Variants in DAP observed in about 807,000 individuals in gnomAD.
DAP encodes death-associated protein 1.
DAP carries 8 observed loss-of-function variants against 13.8 expected under a neutral mutation model. The ratio of observed to expected loss-of-function variants is 0.58; its 90% CI spans 0.34 to 1.05. The LOEUF is 1.05. Among genes scored for constraint, DAP ranks in the 50% least tolerant of loss-of-function variants. The pLI is 0.03. For synonymous variants in DAP, 47 were observed against 47.5 expected (o/e 0.99, Z 0.04); for missense variants, 106 against 133.2 (o/e 0.80, Z 1.01).
chr5:10,723,133 T>C (rs1218984738), intron 2 of DAP, among the ~76,000 whole-genome samples: 1 of 152,160 alleles, frequency 6.6e-6, no homozygotes, highest in Admixed American at 6.5e-5. Flanking sequence ...CATCACAGTC[T>C]CCTCTAAAAG....
chr5:10,760,550 T>C (rs543292979), intron 1 of DAP, among the ~76,000 whole-genome samples: 2 of 152,238 alleles, frequency 1.3e-5, no homozygotes, highest in Non-Finnish European at 2.9e-5. Flanking sequence ...ATAAAAATTA[T>C]TTCCGCTCCT....
At chr5:10,692,276 A>G (rs906463493) in intron 2 of DAP, among the ~76,000 whole-genome samples, 1 of 152,194 alleles carries the variant, frequency 6.6e-6, no homozygotes, top group Non-Finnish European at 1.5e-5. Flanking sequence ...ACCCTCCCTC[A>G]TCATCGTGGT....
chr5:10,683,621 G>T, intron 2 of DAP, 50 bp from the exon 3 acceptor site: 1 of 1,580,100 alleles, frequency 6.3e-7, no homozygotes, highest in South Asian at 1.1e-5. Context: ...GTCCACAACA[G>T]GGAACACGGT....
At chr5:10,719,773 C>T (rs868106845) in intron 2 of DAP, among the ~76,000 whole-genome samples, 5 of 152,186 alleles carry the variant, frequency 3.3e-5, no homozygotes, top group South Asian at 2.1e-4. Context: ...CTCCTGCCAC[C>T]CTGCCTTCTC....
At chr5:10,713,792 G>T (rs534799418) in intron 2 of DAP, among the ~76,000 whole-genome samples, 61 of 152,384 alleles carry the variant, frequency 4.0e-4, no homozygotes, top group African/African-American at 1.4e-3. Flanking sequence ...CCTCATTCGG[G>T]TGATGACAAA....
chr5:10,680,727 T>G lies in DAP; in HGVS notation c.*329A>C. 1 of 1,535,868 alleles carries G rather than the reference T, an allele frequency of 6.5e-7. No homozygotes were observed. The highest frequency in any genetic ancestry group is 2.4e-5 in the East Asian group (1 of 41,048). On this transcript the variant is annotated 3_prime_UTR_variant, in exon 4 of 4. Coordinates refer to ENST00000230895, the MANE Select transcript of DAP (RefSeq NM_004394.3). Reference sequence around the variant, plus strand: ...TCTTCTCAAATGTGTGCCTTCTTGTTTTTAAGACCATAGACAAGGACGTCA... The same window carrying G: ...TCTTCTCAAATGTGTGCCTTCTTGTGTTTAAGACCATAGACAAGGACGTCA...
chr5:10,680,357 G>T lies in DAP; in HGVS notation c.*699C>A. 1 of 262,930 alleles carries T rather than the reference G, an allele frequency of 3.8e-6. No homozygotes were observed. 16.3% of individuals were successfully genotyped at this position (262,930 alleles called of 1,614,324 possible). Reference sequence around the variant, plus strand: ...TCCTGGTGGAGCCTGTCTGGGCTGAGGCGATGCTGGGCTTGCCGTGCCGAG... The same window carrying T: ...TCCTGGTGGAGCCTGTCTGGGCTGATGCGATGCTGGGCTTGCCGTGCCGAG... On this transcript the variant is annotated 3_prime_UTR_variant, in exon 4 of 4. Coordinates refer to ENST00000230895, the MANE Select transcript of DAP (RefSeq NM_004394.3).
Position 10,680,567 on chromosome 5 carries a change from C to T in DAP, c.*489G>A, listed in dbSNP as rs1737957961. 1.5e-6 allele frequency: 1 copy of T among 673,852 alleles called. No individual in the cohort carries two copies. Among genetic ancestry groups the T allele is most frequent in the Admixed American group, 2.9e-5 (1 of 34,094 alleles). 41.7% of individuals were successfully genotyped at this position (673,852 alleles called of 1,614,324 possible). A position where few individuals can be genotyped will look rare whatever the true frequency, so the allele number is the denominator to read the frequency against. On this transcript the variant is annotated 3_prime_UTR_variant, in exon 4 of 4. Transcript: ENST00000230895. ...GAGGGAAATTTGGCATTGCTGTTCC[C>T]TGCCTCTAAGGTCCTTTATGAGGGG... is the stretch of plus-strand genomic sequence containing the variant.
chr5:10,747,063 A>T (rs1739923939), intron 2 of DAP, among the ~76,000 whole-genome samples: 1 of 152,224 alleles, frequency 6.6e-6, no homozygotes. Flanking sequence ...CCTACTATTC[A>T]GGACTGCTGG....
intron 2 of DAP, among the ~76,000 whole-genome samples, chr5:10,732,240 G>A: frequency 6.6e-6 from 1 of 152,198 alleles, no homozygotes; most frequent in East Asian, 1.9e-4. Flanking sequence ...ATACAATTTA[G>A]TGGCTTTTAA....
intron 2 of DAP, among the ~76,000 whole-genome samples, chr5:10,727,604 T>C (rs1318007855): frequency 1.3e-5 from 2 of 152,188 alleles, no homozygotes; most frequent in African/African-American, 4.8e-5. Flanking sequence ...TGGTTCTGGC[T>C]TGGACAACTC....
intron 1 of DAP, among the ~76,000 whole-genome samples, chr5:10,753,576 C>T (rs1039801701): frequency 3.9e-5 from 6 of 152,208 alleles, no homozygotes; most frequent in African/African-American, 1.2e-4. Context: ...GCCAAGCATC[C>T]GTCCTCAGGT....
At chr5:10,710,916 C>T (rs944831906) in intron 2 of DAP, among the ~76,000 whole-genome samples, 7 of 152,160 alleles carry the variant, frequency 4.6e-5, no homozygotes, top group African/African-American at 1.4e-4. Context: ...GTGGTGAGGG[C>T]TGAGGGGTTG....
At position 10,693,948 on chromosome 5, in the gene DAP, T is replaced by C. The variant is rs115669248; in HGVS notation, c.153-10377A>G. ...TAAATCATTAGCTCATCTGAGTTCC[T>C]TCGGCAGGTGATGTTCTATTTTACG... is the stretch of plus-strand genomic sequence containing the variant. On this transcript the variant is annotated intron_variant, in intron 2 of 3. Coordinates refer to ENST00000230895, the MANE Select transcript of DAP (RefSeq NM_004394.3). 2.4e-3 allele frequency among the ~76,000 whole-genome samples: 358 copies of C among 152,322 alleles called. 2 individuals are homozygous for C. Among genetic ancestry groups the C allele is most frequent in the African/African-American group, 8.3e-3 (346 of 41,572 alleles).
chr5:10,738,443 G>A (rs534194661), intron 2 of DAP, among the ~76,000 whole-genome samples: 5 of 152,314 alleles, frequency 3.3e-5, no homozygotes, highest in East Asian at 1.9e-4. Flanking sequence ...GGGGAGTGTC[G>A]TGTACCTCCT....
intron 2 of DAP, among the ~76,000 whole-genome samples, chr5:10,694,718 C>T (rs997418730): frequency 6.6e-6 from 1 of 152,202 alleles, no homozygotes; most frequent in Non-Finnish European, 1.5e-5. Flanking sequence ...AGGGTACCCT[C>T]GATCAGCTTC....
intron 2 of DAP, chr5:10,734,150 G>C (rs2126668964): frequency 6.6e-6 from 1 of 152,334 alleles, no homozygotes; most frequent in East Asian, 1.9e-4. Context: ...CAGACACACA[G>C]AGCAGAGCCT....
chr5:10,733,152 C>CTGTG (rs1739509098), intron 2 of DAP, among the ~76,000 whole-genome samples: 2 of 133,558 alleles, frequency 1.5e-5, no homozygotes, highest in South Asian at 5.0e-4. Context: ...AATAATATTC[C>CTGTG]TGCGTGTGTG....
At chr5:10,690,988 C>T (rs5745265) in intron 2 of DAP, among the ~76,000 whole-genome samples, 12,619 of 152,234 alleles carry the variant, frequency 0.083, 720 homozygotes, top group East Asian at 0.28. Context: ...GATAAAGGCT[C>T]TATTCTAATG....
Sources: gnomAD v4.1 joint callset for allele counts (sites outside exome capture counted in the v4.1 genomes callset) on GRCh38, gnomAD v4.1.1 for gene constraint, MANE v1.5 for transcripts, NCBI Gene and HGNC (gene_info 2026-07-23, HGNC 2026-07-21) for gene names.